CTNNBIP1: variants seen among roughly 807,000 people sequenced by gnomAD.
The protein encoded by CTNNBIP1 is catenin beta interacting protein 1.
CTNNBIP1 carries 7 observed loss-of-function variants against 11.8 expected under a neutral mutation model. The observed-to-expected ratio is 0.60, with a 90% CI of 0.34 to 1.12. CTNNBIP1 has a LOEUF of 1.12. Among genes scored for constraint, CTNNBIP1 ranks in the 50% most tolerant of loss-of-function variants. The pLI is 0.03. For missense variants in CTNNBIP1, 101 were observed against 113.4 expected (o/e 0.89, Z 0.50); for synonymous variants, 58 against 43.9 (o/e 1.32, Z -1.26).
chr1:9,877,018 C>T (rs1337650076), intron 3 of CTNNBIP1, among the ~76,000 whole-genome samples: 1 of 152,192 alleles, frequency 6.6e-6, no homozygotes, highest in Non-Finnish European at 1.5e-5. Flanking sequence ...GGCCACAACA[C>T]GTTCTCAGGG....
intron 1 of CTNNBIP1, among the ~76,000 whole-genome samples, chr1:9,896,159 C>G (rs1478969848): frequency 6.6e-6 from 1 of 152,178 alleles, no homozygotes; most frequent in African/African-American, 2.4e-5. Flanking sequence ...GTCCAGGACC[C>G]TTGTCTTTAG....
chr1:9,897,686 C>G (rs1379791301), intron 1 of CTNNBIP1, among the ~76,000 whole-genome samples: 1 of 150,714 alleles, frequency 6.6e-6, no homozygotes, highest in African/African-American at 2.4e-5. Flanking sequence ...TGGTGGCAGG[C>G]GCCTGTAATC....
rs1638849686 is a variant in CTNNBIP1, at chr1:9,871,058, C to T, written c.187+129G>A. 1.5e-6 allele frequency: 1 copy of T among 667,198 alleles called. No individual in the cohort carries two copies. Among genetic ancestry groups the T allele is most frequent in the African/African-American group, 1.8e-5 (1 of 54,510 alleles). The allele number at this position is 667,198 out of a possible 1,614,324, so 41.3% of individuals were successfully genotyped here. On this transcript the variant is annotated intron_variant, in intron 5 of 5. Transcript: ENST00000377263. This position sits in a 1 kb window ranked among gnomAD's most constrained non-coding sequence, Gnocchi z 5.2. ...TCTGTGGGTGGAGAGAGCTGTAGCC[C>T]CTCCTAGTCAGCCCTGGGTCTCATG...
chr1:9,851,342 CTTCTTT>C lies in CTNNBIP1; in HGVS notation c.188-572_188-567del, dbSNP rs890456340. Among the ~76,000 whole-genome samples, 12 of 152,050 alleles carry C rather than the reference CTTCTTT, an allele frequency of 7.9e-5. No homozygotes were observed. Among genetic ancestry groups the C allele is most frequent in the African/African-American group, 2.7e-4 (11 of 41,362 alleles). On this transcript the variant is annotated intron_variant, in intron 5 of 5. Coordinates refer to ENST00000377263, the MANE Select transcript of CTNNBIP1 (RefSeq NM_020248.3). The surrounding 1 kb of genome is among the most constrained non-coding windows in gnomAD (Gnocchi z 4.8). ...GACTGAGACAGATATGCCCACAATC[CTTCTTT>C]TTCTTTTTCTTTTTCCTTTTTCTTT...
intron 5 of CTNNBIP1, among the ~76,000 whole-genome samples, chr1:9,860,517 G>A (rs1638603662): frequency 6.6e-6 from 1 of 150,896 alleles, no homozygotes; most frequent in East Asian, 1.9e-4. Context: ...AGCTGAGGCA[G>A]GAGAGTCGCT....
At chr1:9,892,594 A>G (rs1639328177) in intron 1 of CTNNBIP1, among the ~76,000 whole-genome samples, 1 of 151,948 alleles carries the variant, frequency 6.6e-6, no homozygotes, top group Non-Finnish European at 1.5e-5. Context: ...CTGTCTCAAA[A>G]AAAAAAAAAG....
rs70998316 is a variant in CTNNBIP1, at chr1:9,891,781, ATTTTT to A, written c.-143-8048_-143-8044del. ...ATAAAGTAAGACCCCATCTCTTTAA[ATTTTT>A]TTTTTTTTTTTTTTTTTTTTTTTTG... On this transcript the variant is annotated intron_variant, in intron 1 of 5. Transcript: ENST00000377263. Among the ~76,000 whole-genome samples, 143 of 81,446 alleles carry A rather than the reference ATTTTT, an allele frequency of 1.8e-3. 3 individuals carry two copies. The highest frequency in any genetic ancestry group is 6.6e-3 in the African/African-American group (132 of 20,042). 53.4% of individuals were successfully genotyped at this position (81,446 alleles called of 152,430 possible). A position where few individuals can be genotyped will look rare whatever the true frequency, so the allele number is the denominator to read the frequency against.
rs1394840738 is a variant in CTNNBIP1, at chr1:9,872,790, T to C, written c.-24-702A>G. ...AGCGTGTCCACATGCAGCAGGGACC[T>C]AACCTGTAGAAAGTCCCCAGGAGAG... is the stretch of plus-strand genomic sequence containing the variant. On this transcript the variant is annotated intron_variant, in intron 3 of 5. Transcript: ENST00000377263. The surrounding 1 kb of genome is among the most constrained non-coding windows in gnomAD (Gnocchi z 4.0). Among the ~76,000 whole-genome samples the C allele has an allele frequency of 6.6e-6, 1 of 152,136 alleles. No individual in the cohort carries two copies. Among genetic ancestry groups the C allele is most frequent in the Non-Finnish European group, 1.5e-5 (1 of 68,006 alleles).
intron 5 of CTNNBIP1, among the ~76,000 whole-genome samples, chr1:9,856,035 C>T (rs1033632395): frequency 6.6e-6 from 1 of 152,040 alleles, no homozygotes; most frequent in Non-Finnish European, 1.5e-5. Flanking sequence ...GTAGTCCCAG[C>T]TACTCGGGAA....
intron 3 of CTNNBIP1, among the ~76,000 whole-genome samples, chr1:9,873,675 C>T (rs926042899): frequency 6.6e-6 from 1 of 152,166 alleles, no homozygotes; most frequent in Non-Finnish European, 1.5e-5. Context: ...TATGTAACCT[C>T]CTCATGATCC....
At chr1:9,855,293 T>C (rs1325834703) in intron 5 of CTNNBIP1, among the ~76,000 whole-genome samples, 1 of 145,156 alleles carries the variant, frequency 6.9e-6, no homozygotes, top group Non-Finnish European at 1.5e-5. Context: ...GACAAGGTGA[T>C]CCTAACATTC....
In CTNNBIP1 at chr1:9,849,429, G is replaced by C. The variant is rs539534137; in HGVS notation, c.*1289C>G. ...AGTGGAGGGCATGGGCCTCCGATGAGAGAACTCCAGAGCTGGCCGGGACCT... is the reference window on the plus strand; with the variant it reads ...AGTGGAGGGCATGGGCCTCCGATGACAGAACTCCAGAGCTGGCCGGGACCT... On this transcript the variant is annotated 3_prime_UTR_variant, in exon 6 of 6. Coordinates refer to ENST00000377263, the MANE Select transcript of CTNNBIP1 (RefSeq NM_020248.3). The C allele has an allele frequency of 2.6e-5, 4 of 152,448 alleles. No homozygotes were observed. The highest frequency in any genetic ancestry group is 9.6e-5 in the African/African-American group (4 of 41,584). 9.4% of individuals were successfully genotyped at this position (152,448 alleles called of 1,614,324 possible).
At chr1:9,887,454 C>T (rs1570588547) in intron 1 of CTNNBIP1, among the ~76,000 whole-genome samples, 1 of 152,166 alleles carries the variant, frequency 6.6e-6, no homozygotes, top group Non-Finnish European at 1.5e-5. Context: ...CAGTGGCTCA[C>T]GCCTGTAACC....
intron 5 of CTNNBIP1, among the ~76,000 whole-genome samples, chr1:9,859,143 G>A (rs1195894804): frequency 6.6e-6 from 1 of 152,078 alleles, no homozygotes; most frequent in Non-Finnish European, 1.5e-5. Flanking sequence ...TATCTCCCCT[G>A]AGCCCTGCTC....
intron 1 of CTNNBIP1, among the ~76,000 whole-genome samples, chr1:9,903,983 A>G (rs1332619725): frequency 6.6e-6 from 1 of 152,220 alleles, no homozygotes; most frequent in Non-Finnish European, 1.5e-5. Context: ...TCTAGGCCTC[A>G]GCTTCTTAAC....
At chr1:9,892,590 C>A (rs80251408) in intron 1 of CTNNBIP1, among the ~76,000 whole-genome samples, 12,707 of 129,288 alleles carry the variant, frequency 0.098, 1,809 homozygotes, top group African/African-American at 0.32. Flanking sequence ...GAGACTGTCT[C>A]AAAAAAAAAA....
At chr1:9,887,303 C>T (rs1429223710) in intron 1 of CTNNBIP1, among the ~76,000 whole-genome samples, 4 of 152,308 alleles carry the variant, frequency 2.6e-5, no homozygotes, top group Middle Eastern at 3.4e-3. Flanking sequence ...AAGTAACCTG[C>T]CTGAGGCCAT....
chr1:9,904,190 T>A (rs1341706599), intron 1 of CTNNBIP1, among the ~76,000 whole-genome samples: 1 of 152,188 alleles, frequency 6.6e-6, no homozygotes, highest in Non-Finnish European at 1.5e-5. Context: ...AGATGACATA[T>A]GACTAGCAGG....
At chr1:9,859,874 G>T (rs1638586296) in intron 5 of CTNNBIP1, among the ~76,000 whole-genome samples, 1 of 152,196 alleles carries the variant, frequency 6.6e-6, no homozygotes, top group African/African-American at 2.4e-5. Context: ...GCAGACAAAG[G>T]CCTGTGACCC....
Sources: gnomAD v4.1 joint callset for allele counts (sites outside exome capture counted in the v4.1 genomes callset) on GRCh38, gnomAD v4.1.1 for gene constraint, Gnocchi (gnomAD v3.1) non-coding constraint, MANE v1.5 for transcripts, NCBI Gene and HGNC (gene_info 2026-07-23, HGNC 2026-07-21) for gene names.